Variants in KMT2C observed in about 807,000 individuals in gnomAD.
KMT2C encodes the protein lysine methyltransferase 2C, also known as histone-lysine N-methyltransferase 2C.
A neutral mutation model predicts 507.9 loss-of-function variants in KMT2C; 88 were observed. That is an observed-to-expected ratio of 0.17 (90% confidence interval 0.15 to 0.21). The LOEUF (loss-of-function observed/expected upper bound fraction) is 0.21. Ranked by LOEUF, KMT2C falls within the 10% of genes least tolerant of loss-of-function variation. The pLI is 1.00. For missense variants in KMT2C, 4,954 were observed against 5,957.8 expected (o/e 0.83, Z 5.55); for synonymous variants, 2,049 against 2,080.8 (o/e 0.98, Z 0.42).
intron 49 of KMT2C, among the ~76,000 whole-genome samples, chr7:152,152,489 G>T (rs2091711810): frequency 6.6e-6 from 1 of 152,172 alleles, no homozygotes; most frequent in African/African-American, 2.4e-5. Context: ...CACTCACATA[G>T]CCCCTGGTGA....
chr7:152,427,264 T>C (rs1381221273), intron 1 of KMT2C, among the ~76,000 whole-genome samples: 3 of 152,118 alleles, frequency 2.0e-5, no homozygotes, highest in Admixed American at 2.0e-4. Context: ...CTCACCCTCC[T>C]GGCCTCCCAA....
intron 1 of KMT2C, among the ~76,000 whole-genome samples, chr7:152,373,918 T>C (rs1198171435): frequency 6.6e-6 from 1 of 152,150 alleles, no homozygotes; most frequent in Non-Finnish European, 1.5e-5. Context: ...AACAAATTCA[T>C]TTTTGAATAA....
chr7:152,170,360 T>TA (rs35271891), intron 40 of KMT2C, among the ~76,000 whole-genome samples: 19,064 of 149,488 alleles, frequency 0.13, 2,845 homozygotes, highest in African/African-American at 0.36. Flanking sequence ...GCTCCCTTTA[T>TA]AAAAAAAAAA....
chr7:152,401,645 C>G (rs557055190), intron 1 of KMT2C, among the ~76,000 whole-genome samples: 2 of 152,092 alleles, frequency 1.3e-5, no homozygotes, highest in African/African-American at 4.8e-5. Flanking sequence ...GAACCAAGAT[C>G]GCACCACTGC....
At chr7:152,264,913 G>A in intron 8 of KMT2C, 125 bp downstream of exon 8, 1 of 1,144,860 alleles carries the variant, frequency 8.7e-7, no homozygotes, top group Non-Finnish European at 1.1e-6. Context: ...TAAGTATGAT[G>A]AAGTCACTGA....
At chr7:152,430,485 C>T (rs549570974) in intron 1 of KMT2C, among the ~76,000 whole-genome samples, 33 of 152,240 alleles carry the variant, frequency 2.2e-4, no homozygotes, top group African/African-American at 7.0e-4. Context: ...CACAACCTAA[C>T]GAGGGTATCT....
At position 152,194,608 on chromosome 7, in the gene KMT2C, A is replaced by C. The variant is rs751354254; in HGVS notation, c.4379-40T>G. On this transcript the variant is annotated intron_variant, in intron 28 of 58. Transcript: ENST00000262189. The stretch of plus-strand genomic sequence containing the variant: ...AAAATAAATTTAAAGGTACATTCAG[A>C]ATACTCACACAAAAATGTATAGCAC... 8.4e-6 allele frequency: 13 copies of C among 1,545,420 alleles called. No individual in the cohort carries two copies. The African/African-American group carries it at 1.6e-4, about 19-fold the overall frequency.
At chr7:152,426,758 T>A (rs1296837336) in intron 1 of KMT2C, among the ~76,000 whole-genome samples, 1 of 152,128 alleles carries the variant, frequency 6.6e-6, no homozygotes, top group Non-Finnish European at 1.5e-5. Context: ...AAATTAGGTG[T>A]ATTATTACGT....
Position 152,263,125 on chromosome 7 carries a change from G to A in KMT2C, c.1190C>T (p.Ser397Leu), listed in dbSNP as rs761700904. Residue 397 changes from serine (S) to leucine (L), a missense_variant, in exon 9 of 59, where the codon TCG becomes TTG. Around this residue, in one of 29 missense-constraint regions of KMT2C, gnomAD observed 8 missense variants for 27.5 expected, o/e 0.29. Transcript: ENST00000262189. ...ECKVCQNCKQ[S>L]GEDSKMLVCD... is the part of the protein sequence containing the mutation. ...CACTAGCATCTTGCTATCTTCTCCC[G>A]ATTGTCTAAAAAATAAGATAGCATT... 2.5e-6 allele frequency: 4 copies of A among 1,606,634 alleles called. No individual in the cohort carries two copies. The highest frequency in any genetic ancestry group is 3.4e-6 in the Non-Finnish European group (4 of 1,178,016).
At chr7:152,268,960 A>G (rs2095909107) in intron 7 of KMT2C, among the ~76,000 whole-genome samples, 1 of 152,212 alleles carries the variant, frequency 6.6e-6, no homozygotes, top group African/African-American at 2.4e-5. Flanking sequence ...AACAGGAGAA[A>G]AAGTATCTCA....
chr7:152,354,749 G>A (rs1395843965), intron 2 of KMT2C, among the ~76,000 whole-genome samples: 1 of 152,200 alleles, frequency 6.6e-6, no homozygotes, highest in Non-Finnish European at 1.5e-5. Context: ...AAAGCCAGGA[G>A]GCCAGTAAGG....
chr7:152,298,761 T>C (rs1394213491), intron 6 of KMT2C, among the ~76,000 whole-genome samples: 1 of 152,164 alleles, frequency 6.6e-6, no homozygotes, highest in Admixed American at 6.5e-5. Context: ...ATTATTTAAA[T>C]CTCTAAGAGA....
intron 3 of KMT2C, 53 bp from the exon 4 acceptor site, chr7:152,315,391 T>C: frequency 7.9e-7 from 1 of 1,272,508 alleles, no homozygotes; most frequent in Admixed American, 1.8e-5. Context: ...TTTATTCAAC[T>C]GCTTTAAGCG....
chr7:152,374,482 A>C (rs970533089), intron 1 of KMT2C, among the ~76,000 whole-genome samples: 1 of 152,226 alleles, frequency 6.6e-6, no homozygotes, highest in Admixed American at 6.5e-5. Context: ...GAGATATTCA[A>C]CTAAACAATT....
intron 1 of KMT2C, among the ~76,000 whole-genome samples, chr7:152,421,126 C>A (rs1354341669): frequency 2.6e-5 from 4 of 151,770 alleles, no homozygotes; most frequent in East Asian, 1.9e-4. Flanking sequence ...ATGTGGCCAA[C>A]AAGCATATGA....
At chr7:152,170,290 T>A (rs1252613836) in intron 40 of KMT2C, among the ~76,000 whole-genome samples, 1 of 151,970 alleles carries the variant, frequency 6.6e-6, no homozygotes, top group Non-Finnish European at 1.5e-5. Context: ...ATCAGCATAA[T>A]AAATCTAAAG....
At chr7:152,342,278 C>T (rs554789326) in intron 2 of KMT2C, among the ~76,000 whole-genome samples, 1 of 152,180 alleles carries the variant, frequency 6.6e-6, no homozygotes, top group East Asian at 1.9e-4. Context: ...AAAGGTTAGT[C>T]ACAAATGGTA....
At chr7:152,279,579 T>C (rs2096161206) in intron 6 of KMT2C, among the ~76,000 whole-genome samples, 1 of 152,274 alleles carries the variant, frequency 6.6e-6, no homozygotes, top group South Asian at 2.1e-4. Flanking sequence ...TGTATATGAA[T>C]TGACCTGAAG....
At position 152,180,966 on chromosome 7, in the gene KMT2C, G is replaced by C. The variant is rs2129119429; in HGVS notation, c.6894C>G (p.Pro2298=). 6.2e-7 allele frequency: 1 copy of C among 1,614,188 alleles called. No individual in the cohort carries two copies. Among genetic ancestry groups the C allele is most frequent in the Non-Finnish European group, 8.5e-7 (1 of 1,180,032 alleles). The change falls in exon 36 of 59, where the codon CCC becomes CCG. Residue 2298 remains proline (P), a synonymous_variant. Coordinates refer to ENST00000262189, the MANE Select transcript of KMT2C (RefSeq NM_170606.3). The stretch of plus-strand genomic sequence containing the variant: ...TTGGAGTCATTGGAGACTGATCATA[G>C]GGATCACGGGCAGCAGATGGGGAAA... The part of the protein sequence containing the change: ...SRVSPSAARD[P]YDQSPMTPRS...
Sources: allele counts gnomAD v4.1 joint callset (sites outside exome capture counted in the v4.1 genomes callset), GRCh38; gene constraint gnomAD v4.1.1; regional missense constraint gnomAD v4.1.1; transcripts MANE v1.5; gene names NCBI Gene and HGNC (gene_info 2026-07-23, HGNC 2026-07-21).